ACYP2: variants seen among roughly 807,000 people sequenced by gnomAD.
The protein encoded by ACYP2 is acylphosphatase-2.
In ACYP2, 12 loss-of-function variants were observed where a neutral mutation model predicts 11.2. That is an observed-to-expected ratio of 1.08 (90% CI 0.69 to 1.74). ACYP2 has a LOEUF of 1.74. Ranked by LOEUF, ACYP2 falls within the 40% of genes most tolerant of loss-of-function variation. ACYP2 has a pLI of 0.00. For missense variants in ACYP2, 134 were observed against 101.9 expected, an observed-to-expected ratio of 1.31 and a Z score of -1.35; for synonymous variants, 43 against 32.2, an observed-to-expected ratio of 1.33 and a Z score of -1.13.
rs541164467 is a variant in ACYP2, at chr2:54,051,419, G to C, written c.155+369G>C. ...AAGGTAGAGAAGGCCCATTATGAAA[G>C]AGAAATGAAAATCTATATCCCTCCT... On this transcript the variant is annotated intron_variant, in intron 3 of 6. Coordinates refer to ENST00000607452, the MANE Select transcript of ACYP2 (RefSeq NM_001320586.2). 52 of 720,360 alleles carry C rather than the reference G, an allele frequency of 7.2e-5. No individual in the cohort carries two copies. In the African/African-American group the frequency reaches 8.4e-4, roughly 12 times the overall value. The allele number at this position is 720,360 out of a possible 1,614,324, so 44.6% of individuals were successfully genotyped here.
At chr2:54,255,476 C>T (rs1345212697) in intron 6 of ACYP2, 2 of 1,614,016 alleles carry the variant, frequency 1.2e-6, no homozygotes, top group South Asian at 1.1e-5. Context: ...CTGCGCTCCA[C>T]CTGCAGGAGC....
intron 6 of ACYP2, among the ~76,000 whole-genome samples, chr2:54,233,306 T>A (rs1169690683): frequency 1.6e-5 from 1 of 64,338 alleles, no homozygotes; most frequent in African/African-American, 9.0e-5. Flanking sequence ...CCTTCCAAAC[T>A]TTTTTTTTTT....
intron 2 of ACYP2, among the ~76,000 whole-genome samples, chr2:53,978,520 G>A (rs966876505): frequency 1.3e-5 from 2 of 152,266 alleles, no homozygotes; most frequent in Non-Finnish European, 2.9e-5. Flanking sequence ...GGGTAGCCTA[G>A]CACAAGGCAG....
chr2:54,267,771 A>G (rs993487179), intron 6 of ACYP2, among the ~76,000 whole-genome samples: 7 of 152,208 alleles, frequency 4.6e-5, no homozygotes, highest in Non-Finnish European at 1.0e-4. Context: ...CTTTTCAAGC[A>G]GCTTCCCTTG....
At chr2:54,110,129 T>C (rs2103716507) in intron 4 of ACYP2, among the ~76,000 whole-genome samples, 1 of 152,286 alleles carries the variant, frequency 6.6e-6, no homozygotes, top group Non-Finnish European at 1.5e-5. Flanking sequence ...ATTTTTAAAC[T>C]TCACGTAAGC....
chr2:54,281,277 T>C (rs1688838775), intron 6 of ACYP2, among the ~76,000 whole-genome samples: 1 of 152,238 alleles, frequency 6.6e-6, no homozygotes, highest in Non-Finnish European at 1.5e-5. Context: ...CAGTGGGATA[T>C]ATTCTGATGC....
chr2:54,283,664 A>G (rs1688943874), intron 6 of ACYP2, among the ~76,000 whole-genome samples: 1 of 152,248 alleles, frequency 6.6e-6, no homozygotes, highest in African/African-American at 2.4e-5. Context: ...ATATTTAAGT[A>G]TATTTTAACA....
chr2:54,161,314 G>A (rs534774152), intron 6 of ACYP2, among the ~76,000 whole-genome samples: 1 of 152,296 alleles, frequency 6.6e-6, no homozygotes, highest in South Asian at 2.1e-4. Context: ...CATGATCTTG[G>A]GGGCTGGGAC....
intron 6 of ACYP2, among the ~76,000 whole-genome samples, chr2:54,220,666 T>C (rs1267892278): frequency 1.3e-5 from 2 of 152,204 alleles, no homozygotes; most frequent in Non-Finnish European, 2.9e-5. Context: ...TTGAAACACA[T>C]AAAATATGCT....
intron 2 of ACYP2, among the ~76,000 whole-genome samples, chr2:53,989,122 T>A (rs1216480633): frequency 6.6e-6 from 1 of 151,928 alleles, no homozygotes; most frequent in African/African-American, 2.4e-5. Flanking sequence ...CCAAACCCAG[T>A]CATTTCTTCT....
chr2:54,207,069 G>A lies in ACYP2; in HGVS notation c.404+68321G>A, dbSNP rs527262448. On this transcript the variant is annotated intron_variant, in intron 6 of 6. Transcript: ENST00000607452. Reference sequence around the variant, plus strand: ...ATATATGTATATATGTAGAGGGAAAGTATGTGTCTGTATATATGTTTATAT... The same window carrying A: ...ATATATGTATATATGTAGAGGGAAAATATGTGTCTGTATATATGTTTATAT... Among the ~76,000 whole-genome samples, 3 of 151,474 alleles carry A rather than the reference G, an allele frequency of 2.0e-5. No individual in the cohort carries two copies. In the South Asian group the frequency reaches 6.2e-4, roughly 32 times the overall value.
chr2:54,280,572 A>G (rs1688806035), intron 6 of ACYP2, among the ~76,000 whole-genome samples: 1 of 152,220 alleles, frequency 6.6e-6, no homozygotes. Flanking sequence ...TCCCACTTAG[A>G]AGGATCACCT....
chr2:53,990,277 C>T (rs559119526), intron 2 of ACYP2, among the ~76,000 whole-genome samples: 16 of 152,078 alleles, frequency 1.1e-4, no homozygotes, highest in South Asian at 8.3e-4. Context: ...CCACTCCTGG[C>T]ATATAACACT....
intron 6 of ACYP2, among the ~76,000 whole-genome samples, chr2:54,176,723 G>C (rs73935091): frequency 0.034 from 5,226 of 152,184 alleles, 286 homozygotes; most frequent in African/African-American, 0.11. Context: ...TCAGTGCCTG[G>C]AGTGTTAGCT....
At chr2:54,058,709 ATTTT>A (rs58430648) in intron 4 of ACYP2, among the ~76,000 whole-genome samples, 2 of 135,256 alleles carry the variant, frequency 1.5e-5, no homozygotes, top group Non-Finnish European at 1.6e-5. Context: ...CTGGCTGATA[ATTTT>A]TTTTTTTTTT....
At chr2:54,101,984 C>T (rs1401901587) in intron 4 of ACYP2, among the ~76,000 whole-genome samples, 1 of 152,144 alleles carries the variant, frequency 6.6e-6, no homozygotes, top group Non-Finnish European at 1.5e-5. Flanking sequence ...TATTACAGCT[C>T]TGTGGGTTTT....
At chr2:54,005,538 C>G (rs1673020300) in intron 2 of ACYP2, among the ~76,000 whole-genome samples, 1 of 152,096 alleles carries the variant, frequency 6.6e-6, no homozygotes, top group African/African-American at 2.4e-5. Context: ...CGGGTTTTGC[C>G]ATGTTGGCCA....
chr2:54,055,520 C>T (rs542606339), intron 3 of ACYP2, among the ~76,000 whole-genome samples: 1 of 152,148 alleles, frequency 6.6e-6, no homozygotes, highest in Admixed American at 6.5e-5. Flanking sequence ...CTACAAAAAT[C>T]CTTGTGAGGT....
intron 4 of ACYP2, among the ~76,000 whole-genome samples, chr2:54,093,819 A>T (rs984716812): frequency 6.6e-6 from 1 of 152,188 alleles, no homozygotes; most frequent in Non-Finnish European, 1.5e-5. Context: ...GGGCGCCTGT[A>T]GTCCCAGCTA....
Sources: allele counts gnomAD v4.1 joint callset (sites outside exome capture counted in the v4.1 genomes callset), GRCh38; gene constraint gnomAD v4.1.1; transcripts MANE v1.5; gene names NCBI Gene and HGNC (gene_info 2026-07-23, HGNC 2026-07-21).